The following MPRIP variants were observed in gnomAD, a reference collection of about 807,000 sequenced individuals.
The protein encoded by MPRIP is myosin phosphatase Rho-interacting protein.
MPRIP carries 59 observed loss-of-function variants against 234.9 expected under a neutral mutation model. The observed-to-expected ratio is 0.25, with a 90% CI of 0.20 to 0.31. MPRIP has a LOEUF of 0.31. Among genes scored for constraint, MPRIP ranks in the 10% least tolerant of loss-of-function variants. MPRIP has a pLI of 1.00. For synonymous variants in MPRIP, 1,144 were observed against 1,263.9 expected, an observed-to-expected ratio of 0.91 and a Z score of 2.01; for missense variants, 2,436 against 3,071.0, an observed-to-expected ratio of 0.79 and a Z score of 4.89.
chr17:17,075,498 G>C lies in MPRIP; in HGVS notation c.124-212G>C, dbSNP rs1052075944. On this transcript the variant is annotated intron_variant, in intron 1 of 23. Transcript: ENST00000651222. ...TCTCCAGGTTCTCACACTCCTGCCA[G>C]GGCCTGTATGCTCTCCACCCCGGAT... is the stretch of plus-strand genomic sequence containing the variant. Among the ~76,000 whole-genome samples, 2 of 152,080 alleles carry C rather than the reference G, an allele frequency of 1.3e-5. 1 individual carries two copies. Among genetic ancestry groups the C allele is most frequent in the Admixed American group, 1.3e-4 (2 of 15,270 alleles).
At chr17:17,180,933 A>G (rs1316424307) in intron 23 of MPRIP, among the ~76,000 whole-genome samples, 1 of 152,194 alleles carries the variant, frequency 6.6e-6, no homozygotes, top group Non-Finnish European at 1.5e-5. Flanking sequence ...TCTGTGCACA[A>G]CGGCTGAACT....
Position 17,158,562 on chromosome 17 carries a change from C to T in MPRIP, c.1960C>T (p.Arg654Ter). 1 of 1,611,082 alleles carries T rather than the reference C, an allele frequency of 6.2e-7. No individual in the cohort carries two copies. The change falls in exon 14 of 24, where the codon CGA becomes TGA. Residue 654 changes from arginine (R) to a stop codon, truncating the protein, a stop_gained. Coordinates refer to ENST00000651222, the MANE Select transcript of MPRIP (RefSeq NM_001364716.4). LOFTEE classifies it high-confidence loss of function. Reference protein sequence around the residue: ...QKRSRARERRREGRSKTFDWA... With the variant: ...QKRSRARERR ...GAGGAGCCGCGCACGGGAGCGGAGG[C>T]GAGAGGGCCGCTCCAAGACCTTTGA...
At chr17:17,114,544 C>T (rs978259010) in intron 3 of MPRIP, among the ~76,000 whole-genome samples, 2 of 151,884 alleles carry the variant, frequency 1.3e-5, no homozygotes, top group African/African-American at 2.4e-5. Flanking sequence ...AGCCTTTGTT[C>T]TTGCATTGAG....
intron 3 of MPRIP, among the ~76,000 whole-genome samples, chr17:17,079,343 C>T (rs73277623): frequency 0.012 from 1,807 of 152,272 alleles, 42 homozygotes; most frequent in African/African-American, 0.041. Context: ...GCTATGGGAA[C>T]GTCTGTGCTC....
intron 4 of MPRIP, among the ~76,000 whole-genome samples, chr17:17,129,932 T>C (rs928562965): frequency 3.3e-5 from 5 of 152,130 alleles, no homozygotes; most frequent in Non-Finnish European, 7.4e-5. Flanking sequence ...ACATCCCAGG[T>C]TGTATGAGCG....
intron 1 of MPRIP, chr17:17,057,531 G>T (rs1157615749): frequency 8.5e-6 from 6 of 706,614 alleles, no homozygotes; most frequent in Non-Finnish European, 1.6e-5. Context: ...GGCCCACAGA[G>T]CCCCACAGTG....
intron 3 of MPRIP, among the ~76,000 whole-genome samples, chr17:17,104,489 C>T (rs891614360): frequency 3.9e-5 from 6 of 152,122 alleles, no homozygotes; most frequent in Admixed American, 6.5e-5. Flanking sequence ...GCTGGGTGGC[C>T]GTGTCTTTCA....
At chr17:17,152,410 C>T (rs995133111) in intron 12 of MPRIP, among the ~76,000 whole-genome samples, 1 of 152,256 alleles carries the variant, frequency 6.6e-6, no homozygotes, top group African/African-American at 2.4e-5. Flanking sequence ...GCCACTCTCA[C>T]CCACTGATCA....
intron 19 of MPRIP, among the ~76,000 whole-genome samples, chr17:17,174,408 G>T (rs2046210713): frequency 6.6e-6 from 1 of 152,196 alleles, no homozygotes; most frequent in African/African-American, 2.4e-5. Flanking sequence ...TGAACCTCTG[G>T]CTCACTGTTT....
At chr17:17,134,769 C>T (rs897113415) in intron 5 of MPRIP, among the ~76,000 whole-genome samples, 4 of 152,364 alleles carry the variant, frequency 2.6e-5, no homozygotes, top group South Asian at 4.1e-4. Context: ...TGGCTGTGTG[C>T]GTGTGGGCCT....
chr17:17,091,797 G>A (rs560535843), intron 3 of MPRIP, among the ~76,000 whole-genome samples: 1 of 152,348 alleles, frequency 6.6e-6, no homozygotes, highest in Non-Finnish European at 1.5e-5. Flanking sequence ...TGTGTTGCAA[G>A]AACGCCTTGG....
chr17:17,165,247 T>C lies in MPRIP; in HGVS notation c.3656T>C (p.Phe1219Ser). The change falls in exon 16 of 24, where the codon TTT (phenylalanine) becomes TCT (serine). Residue 1219 changes from phenylalanine to serine, a missense_variant. Phe to Ser is a radical substitution (Grantham distance 155, BLOSUM62 -2). Transcript: ENST00000651222. ...GCAAAAGAAGAGATTTTAAGGAAAT[T>C]TGCAAGTGAATCTCCAAAGGACATG... ...LQAKEEILRK[F>S]ASESPKDMEE... The C allele has an allele frequency of 1.5e-6, 2 of 1,304,006 alleles. No individual in the cohort carries two copies. The highest frequency in any genetic ancestry group is 2.5e-5 in the South Asian group (2 of 81,028). 80.8% of individuals were successfully genotyped at this position (1,304,006 alleles called of 1,614,324 possible). A position where few individuals can be genotyped will look rare whatever the true frequency, so the allele number is the denominator to read the frequency against.
At chr17:17,087,348 G>A (rs2089614371) in intron 3 of MPRIP, among the ~76,000 whole-genome samples, 2 of 152,230 alleles carry the variant, frequency 1.3e-5, no homozygotes, top group African/African-American at 4.8e-5. Context: ...GGAGAGGGAA[G>A]TGTGTGGGGC....
chr17:17,125,029 A>C (rs778398723), intron 3 of MPRIP, among the ~76,000 whole-genome samples: 1 of 152,104 alleles, frequency 6.6e-6, no homozygotes, highest in Non-Finnish European at 1.5e-5. Flanking sequence ...TAACATAAAG[A>C]TGGGGTCTGA....
Position 17,158,659 on chromosome 17 carries a change from C to T in MPRIP, c.2057C>T (p.Thr686Ile), listed in dbSNP as rs1292962506. The T allele has an allele frequency of 6.2e-7, 1 of 1,604,168 alleles. No individual in the cohort carries two copies. Among genetic ancestry groups the T allele is most frequent in the South Asian group, 1.1e-5 (1 of 90,524 alleles). The change falls in exon 14 of 24, where the codon ACC becomes ATC. Residue 686 changes from threonine (T) to isoleucine (I), a missense_variant. Coordinates refer to ENST00000651222, the MANE Select transcript of MPRIP (RefSeq NM_001364716.4). ...GTGGGCGGCGTGGGGCCTGCTGACA[C>T]CCACGAGCCCCTGCGCCCTGAGGCG... Reference protein sequence around the residue: ...ERVGGVGPADTHEPLRPEAEP... With the variant: ...ERVGGVGPADIHEPLRPEAEP...
chr17:17,068,674 G>C (rs969204854), intron 1 of MPRIP, among the ~76,000 whole-genome samples: 1 of 151,948 alleles, frequency 6.6e-6, no homozygotes, highest in South Asian at 2.1e-4. Context: ...GGGACTACAG[G>C]TGTGTGCCAC....
At chr17:17,044,955 A>C (rs779846304) in intron 1 of MPRIP, among the ~76,000 whole-genome samples, 34 of 152,190 alleles carry the variant, frequency 2.2e-4, no homozygotes, top group Admixed American at 2.0e-4. Flanking sequence ...TCTTTCAGGA[A>C]GAAACTGCTC....
chr17:17,168,202 G>A (rs956610874), intron 16 of MPRIP: 9 of 303,630 alleles, frequency 3.0e-5, no homozygotes, highest in Admixed American at 9.3e-5. Flanking sequence ...TGCCTAATGC[G>A]GCCTCTCCGT....
intron 16 of MPRIP, chr17:17,171,345 T>G (rs371664791): frequency 4.5e-4 from 84 of 186,556 alleles, no homozygotes; most frequent in African/African-American, 1.7e-3. Context: ...CCACGTGCTC[T>G]CTCTTCCTTC....
Sources: gnomAD v4.1 joint callset for allele counts (sites outside exome capture counted in the v4.1 genomes callset) on GRCh38, gnomAD v4.1.1 for gene constraint, MANE v1.5 for transcripts, NCBI Gene and HGNC (gene_info 2026-07-23, HGNC 2026-07-21) for gene names.